Variants in OR4M1 observed in about 807,000 individuals in gnomAD.
OR4M1 encodes the protein olfactory receptor 4M1.
A neutral mutation model predicts 9.8 loss-of-function variants in OR4M1; 7 were observed. The observed-to-expected ratio is 0.71, with a 90% CI of 0.41 to 1.34. The LOEUF is 1.34. Among genes scored for constraint, OR4M1 ranks in the 40% most tolerant of loss-of-function variants. OR4M1 has a pLI of 0.01. For missense variants in OR4M1, 331 were observed against 380.4 expected (o/e 0.87, Z 1.08); for synonymous variants, 121 against 139.8 (o/e 0.87, Z 0.95).
At position 19,780,789 on chromosome 14, in the gene OR4M1, C is replaced by T. The variant is rs747965175; in HGVS notation, c.467C>T (p.Ser156Phe). 5.6e-6 allele frequency: 9 copies of T among 1,614,216 alleles called. No homozygotes were observed. In the South Asian group the frequency reaches 8.8e-5, roughly 16 times the overall value. The change falls in exon 2 of 2, where the codon TCT becomes TTT. Residue 156 changes from serine (S) to phenylalanine (F), a missense_variant. Physicochemically the swap from Ser to Phe is radical, Grantham distance 155. This residue lies in a region of OR4M1 where 209 missense variants were observed against 200.0 expected (regional missense o/e 1.04). Transcript: ENST00000641200. Reference protein sequence around the residue: ...ALSWMGGFIHSIIQVALIVRL... With the variant: ...ALSWMGGFIHFIIQVALIVRL... ...TCCTGGATGGGGGGCTTCATTCATT[C>T]TATAATACAGGTGGCTCTCATTGTT...
chr14:19,779,257 T>C (rs902282997), intron 1 of OR4M1, among the ~76,000 whole-genome samples: 2 of 152,224 alleles, frequency 1.3e-5, no homozygotes, highest in Non-Finnish European at 2.9e-5. Flanking sequence ...AAATTCCTTT[T>C]AATATTTAAT....
chr14:19,775,933 G>A (rs1367899002), intron 1 of OR4M1, among the ~76,000 whole-genome samples: 6 of 151,820 alleles, frequency 4.0e-5, no homozygotes, highest in East Asian at 3.9e-4. Flanking sequence ...TGTGGGCAAC[G>A]ATGCACACAG....
chr14:19,782,500 T>C lies in OR4M1; in HGVS notation c.*1236T>C, dbSNP rs1418787295. Reference sequence around the variant, plus strand: ...AAATTTTAAGTGAATTAGATCCTTGTCAACATTAGGAATGAATATATAAAA... The same window carrying C: ...AAATTTTAAGTGAATTAGATCCTTGCCAACATTAGGAATGAATATATAAAA... On this transcript the variant is annotated 3_prime_UTR_variant, in exon 2 of 2. Transcript: ENST00000641200. 3 of 152,264 alleles carry C rather than the reference T, an allele frequency of 2.0e-5. No individual in the cohort carries two copies. Among genetic ancestry groups the C allele is most frequent in the Non-Finnish European group, 2.9e-5 (2 of 68,040 alleles). The allele number at this position is 152,264 out of a possible 1,614,324, so 9.4% of individuals were successfully genotyped here.
chr14:19,778,350 T>C (rs1162747454), intron 1 of OR4M1, among the ~76,000 whole-genome samples: 1 of 152,192 alleles, frequency 6.6e-6, no homozygotes, highest in African/African-American at 2.4e-5. Context: ...GAGGAAGGGG[T>C]GATTTGTGTG....
Position 19,782,235 on chromosome 14 carries a change from A to G in OR4M1, c.*971A>G, listed in dbSNP as rs1410089847. 1.3e-5 allele frequency: 2 copies of G among 152,288 alleles called. No individual in the cohort carries two copies. Among genetic ancestry groups the G allele is most frequent in the African/African-American group, 4.8e-5 (2 of 41,466 alleles). The allele number at this position is 152,288 out of a possible 1,614,324, so 9.4% of individuals were successfully genotyped here. Reference sequence around the variant, plus strand: ...GAGAGACCTGGATGTGTTGGTTCCCATGATCCCTTAGAGAATTATTAGGGA... The same window carrying G: ...GAGAGACCTGGATGTGTTGGTTCCCGTGATCCCTTAGAGAATTATTAGGGA... On this transcript the variant is annotated 3_prime_UTR_variant, in exon 2 of 2. Transcript: ENST00000641200.
intron 1 of OR4M1, among the ~76,000 whole-genome samples, chr14:19,775,435 A>T (rs909195570): frequency 2.0e-5 from 3 of 151,972 alleles, no homozygotes; most frequent in African/African-American, 7.3e-5. Flanking sequence ...TCTATGAGAA[A>T]TAAAGGTCCT....
At chr14:19,776,334 C>T (rs567043678) in intron 1 of OR4M1, among the ~76,000 whole-genome samples, 3 of 152,206 alleles carry the variant, frequency 2.0e-5, no homozygotes, top group Admixed American at 6.5e-5. Flanking sequence ...CAACATCACG[C>T]AGATTCTTGT....
At chr14:19,779,570 C>G (rs1396827294) in intron 1 of OR4M1, among the ~76,000 whole-genome samples, 3 of 152,236 alleles carry the variant, frequency 2.0e-5, no homozygotes, top group Non-Finnish European at 4.4e-5. Context: ...GGGTAGCAAG[C>G]ATACTCATTT....
chr14:19,779,071 T>G (rs1362493712), intron 1 of OR4M1, among the ~76,000 whole-genome samples: 1 of 152,176 alleles, frequency 6.6e-6, no homozygotes, highest in Non-Finnish European at 1.5e-5. Flanking sequence ...CAAAATACAA[T>G]GCTTCTATAA....
At chr14:19,775,382 A>G (rs1452770865) in intron 1 of OR4M1, among the ~76,000 whole-genome samples, 1 of 152,096 alleles carries the variant, frequency 6.6e-6, no homozygotes, top group Non-Finnish European at 1.5e-5. Flanking sequence ...GCCAGAGGCT[A>G]TATTTCCCAG....
chr14:19,779,479 G>A (rs1443870988), intron 1 of OR4M1, among the ~76,000 whole-genome samples: 1 of 152,174 alleles, frequency 6.6e-6, no homozygotes, highest in Non-Finnish European at 1.5e-5. Context: ...TTCAATACAG[G>A]GCAGTAAGCA....
intron 1 of OR4M1, among the ~76,000 whole-genome samples, chr14:19,774,529 T>C (rs1327499645): frequency 6.6e-6 from 1 of 152,238 alleles, no homozygotes; most frequent in Non-Finnish European, 1.5e-5. Flanking sequence ...ACTGAAAAAT[T>C]ACAATGTAAT....
intron 1 of OR4M1, among the ~76,000 whole-genome samples, chr14:19,777,205 G>A (rs1878341593): frequency 6.6e-6 from 1 of 150,880 alleles, no homozygotes; most frequent in Non-Finnish European, 1.5e-5. Context: ...TTATTATTGT[G>A]GGCTACATTA....
intron 1 of OR4M1, among the ~76,000 whole-genome samples, chr14:19,779,025 G>A (rs1392352782): frequency 4.6e-5 from 7 of 152,114 alleles, no homozygotes; most frequent in African/African-American, 7.2e-5. Flanking sequence ...GTTTTTGTGC[G>A]TGTGTGTGTC....
chr14:19,780,577 C>A lies in OR4M1; in HGVS notation c.255C>A (p.Phe85Leu). ...SITAPKMLIDFFVERKIISFG... is the reference protein window; with the variant it reads ...SITAPKMLIDLFVERKIISFG... ...CAGCCCCTAAAATGCTCATAGACTT[C>A]TTTGTGGAGAGGAAGATAATTTCCT... Residue 85 changes from phenylalanine to leucine, a missense_variant, in exon 2 of 2, where the codon TTC becomes TTA. Physicochemically the swap from Phe to Leu is conservative, Grantham distance 22. Around this residue, in one of 2 missense-constraint regions of OR4M1, gnomAD observed 209 missense variants for 200.0 expected, o/e 1.04. Transcript: ENST00000641200. 1 of 1,614,224 alleles carries A rather than the reference C, an allele frequency of 6.2e-7. No individual in the cohort carries two copies. Among genetic ancestry groups the A allele is most frequent in the South Asian group, 1.1e-5 (1 of 91,088 alleles).
At chr14:19,774,581 T>C (rs1878255229) in intron 1 of OR4M1, among the ~76,000 whole-genome samples, 1 of 152,256 alleles carries the variant, frequency 6.6e-6, no homozygotes, top group Non-Finnish European at 1.5e-5. Context: ...AGTACTATTA[T>C]GGGAGCCATA....
chr14:19,773,850 G>T (rs116500973), intron 1 of OR4M1, among the ~76,000 whole-genome samples: 45 of 152,324 alleles, frequency 3.0e-4, no homozygotes, highest in African/African-American at 9.9e-4. Context: ...ATTGAACAGG[G>T]CATTGAAGAG....
chr14:19,780,057 T>C (rs1594377774), intron 1 of OR4M1, among the ~76,000 whole-genome samples: 1 of 152,262 alleles, frequency 6.6e-6, no homozygotes. Flanking sequence ...TTTTTAACAT[T>C]AACAAGCCGA....
Position 19,780,434 on chromosome 14 carries a change from A to C in OR4M1, c.112A>C (p.Ile38Leu), listed in dbSNP as rs1182030070. ...TATATTTCTATCCTTCTATTTGTTC[A>C]TCCTACCAGGAAATATCCTTATCAT... ...FVIFLSFYLF[I>L]LPGNILIICT... The change falls in exon 2 of 2, where the codon ATC becomes CTC. Residue 38 changes from isoleucine (I) to leucine (L), a missense_variant. By Grantham distance (5) the Ile-to-Leu change is conservative. Coordinates refer to ENST00000641200, the MANE Select transcript of OR4M1 (RefSeq NM_001005500.2). 1.9e-6 allele frequency: 3 copies of C among 1,614,024 alleles called. No homozygotes were observed. Among genetic ancestry groups the C allele is most frequent in the Non-Finnish European group, 2.5e-6 (3 of 1,179,992 alleles).
Sources: allele counts gnomAD v4.1 joint callset (sites outside exome capture counted in the v4.1 genomes callset), GRCh38; gene constraint gnomAD v4.1.1; regional missense constraint gnomAD v4.1.1; transcripts MANE v1.5; gene names NCBI Gene and HGNC (gene_info 2026-07-23, HGNC 2026-07-21).